RFFL: variants seen among roughly 807,000 people sequenced by gnomAD.
RFFL encodes E3 ubiquitin-protein ligase rififylin.
RFFL carries 16 observed loss-of-function variants against 40.4 expected under a neutral mutation model. That is an observed-to-expected ratio of 0.40 (90% CI 0.27 to 0.60). RFFL has a LOEUF of 0.60. Ranked by LOEUF, RFFL falls within the 20% of genes least tolerant of loss-of-function variation. The pLI is 0.47. For missense variants in RFFL, 367 were observed against 451.7 expected, an observed-to-expected ratio of 0.81 and a Z score of 1.70; for synonymous variants, 154 against 167.9, an observed-to-expected ratio of 0.92 and a Z score of 0.64.
chr17:35,069,293 C>T (rs368352772), intron 1 of RFFL: 1 of 456,692 alleles, frequency 2.2e-6, no homozygotes. Context: ...GATTAACTTA[C>T]CTTTGTTCAT....
At chr17:35,079,754 T>C (rs946352036) in intron 1 of RFFL, among the ~76,000 whole-genome samples, 6 of 152,198 alleles carry the variant, frequency 3.9e-5, no homozygotes, top group African/African-American at 1.4e-4. Context: ...TTCAACCATA[T>C]GGCCAAGGGT....
chr17:35,020,430 C>T (rs1258843442), intron 3 of RFFL, among the ~76,000 whole-genome samples: 11 of 147,188 alleles, frequency 7.5e-5, no homozygotes, highest in Admixed American at 7.0e-5. Flanking sequence ...TTGTGAACTG[C>T]GCATGCGAGG....
chr17:35,026,299 T>C (rs1440674247), intron 2 of RFFL, 75 bp downstream of exon 2: 3 of 1,437,780 alleles, frequency 2.1e-6, no homozygotes, highest in East Asian at 4.8e-5. Flanking sequence ...GTTGCAGGCA[T>C]TCAGAGGGGT....
intron 1 of RFFL, among the ~76,000 whole-genome samples, chr17:35,060,455 T>G (rs2091284681): frequency 6.6e-6 from 1 of 152,208 alleles, no homozygotes; most frequent in Non-Finnish European, 1.5e-5. Context: ...ATGTTTTCTC[T>G]CTGAGTCTTA....
chr17:35,081,353 G>A (rs187362582), intron 1 of RFFL, among the ~76,000 whole-genome samples: 3 of 152,148 alleles, frequency 2.0e-5, no homozygotes, highest in African/African-American at 7.2e-5. Context: ...ATTATGAGGA[G>A]GATTTACTAG....
chr17:35,025,778 A>G (rs1226083527), intron 2 of RFFL, among the ~76,000 whole-genome samples: 1 of 152,192 alleles, frequency 6.6e-6, no homozygotes, highest in Non-Finnish European at 1.5e-5. Flanking sequence ...AGACACCATT[A>G]TCTAGCCAGT....
At chr17:35,032,207 TATTCCCTGG>T (rs2091089589) in intron 1 of RFFL, among the ~76,000 whole-genome samples, 1 of 152,044 alleles carries the variant, frequency 6.6e-6, no homozygotes. Flanking sequence ...AAAAACCTTT[TATTCCCTGG>T]TAAGGAACCT....
At chr17:35,040,647 A>G (rs2091158026) in intron 1 of RFFL, among the ~76,000 whole-genome samples, 1 of 151,762 alleles carries the variant, frequency 6.6e-6, no homozygotes, top group African/African-American at 2.4e-5. Flanking sequence ...CTTTTCTTAA[A>G]TCAAAGATGC....
chr17:35,071,385 T>C (rs1168545419), intron 1 of RFFL, among the ~76,000 whole-genome samples: 1 of 151,484 alleles, frequency 6.6e-6, no homozygotes, highest in Non-Finnish European at 1.5e-5. Flanking sequence ...TGGGAGGACA[T>C]CGTGGGCAGA....
intron 3 of RFFL, among the ~76,000 whole-genome samples, chr17:35,019,735 GA>G (rs879267571): frequency 8.0e-4 from 111 of 138,982 alleles, no homozygotes; most frequent in Admixed American, 1.9e-3. Context: ...ACATAGAGTG[GA>G]AAAAAAAAAA....
At chr17:35,020,744 T>C (rs921332442) in intron 3 of RFFL, among the ~76,000 whole-genome samples, 3 of 152,124 alleles carry the variant, frequency 2.0e-5, no homozygotes, top group Non-Finnish European at 2.9e-5. Context: ...AGACAGTTTA[T>C]TACTCATTTC....
intron 1 of RFFL, among the ~76,000 whole-genome samples, chr17:35,071,978 C>T (rs181003552): frequency 1.3e-5 from 2 of 152,028 alleles, no homozygotes; most frequent in African/African-American, 2.4e-5. Flanking sequence ...TGAGACCTAT[C>T]TCTACAAAAA....
chr17:35,019,216 G>A (rs76756405), intron 3 of RFFL, among the ~76,000 whole-genome samples: 1,533 of 152,266 alleles, frequency 0.01, 24 homozygotes, highest in African/African-American at 0.035. Context: ...CACCAGAACA[G>A]GGGATGTAAG....
chr17:35,016,737 T>C (rs113164731), intron 4 of RFFL, among the ~76,000 whole-genome samples, 157 bp from the exon 5 acceptor site: 70 of 152,250 alleles, frequency 4.6e-4, no homozygotes, highest in African/African-American at 1.6e-3. Context: ...GTGCTCTGCA[T>C]TGCAAAATAT....
At chr17:35,066,508 T>A (rs924760340), upstream of RFFL, among the ~76,000 whole-genome samples, 1 of 152,180 alleles carries the variant, frequency 6.6e-6, no homozygotes, top group Non-Finnish European at 1.5e-5. Flanking sequence ...TTTAGCTTTA[T>A]CCAAATTACC....
At chr17:35,057,495 T>C (rs1371939720) in intron 1 of RFFL, among the ~76,000 whole-genome samples, 3 of 151,642 alleles carry the variant, frequency 2.0e-5, no homozygotes, top group African/African-American at 7.3e-5. Context: ...ACCTTCCCTA[T>C]AACATAGCTG....
chr17:35,021,737 C>T lies in RFFL; in HGVS notation c.225G>A (p.Ser75=), dbSNP rs757447871. 7 of 1,614,056 alleles carry T rather than the reference C, an allele frequency of 4.3e-6. No homozygotes were observed. The highest frequency in any genetic ancestry group is 1.7e-5 in the Admixed American group (1 of 59,998). The change falls in exon 3 of 7, where the codon TCG becomes TCA. Residue 75 remains serine (S), a synonymous_variant. Coordinates refer to ENST00000394597, the MANE Select transcript of RFFL (RefSeq NM_001017368.2). ...GGCGGGGCCCATTCCCTACTTGGCT[C>T]GAACAGGTCATGCAAAAATTTTTCT... ...DCKKNFCMTC[S]SQVGNGPRLC... is the part of the protein sequence containing the mutation.
chr17:35,021,602 G>T lies in RFFL; in HGVS notation c.360C>A (p.Thr120=). 2 of 1,614,172 alleles carry T rather than the reference G, an allele frequency of 1.2e-6. No homozygotes were observed. Among genetic ancestry groups the T allele is most frequent in the South Asian group, 2.2e-5 (2 of 91,082 alleles). Residue 120 remains threonine (T), a synonymous_variant, in exon 3 of 7, where the codon ACC becomes ACA. Coordinates refer to ENST00000394597, the MANE Select transcript of RFFL (RefSeq NM_001017368.2). The part of the protein sequence containing the change: ...RDYLSLHDIS[T]EMCREKEELV... ...GCTCTTCTTTCTCCCGGCACATTTC[G>T]GTAGAGATGTCATGGAGGCTGAGAT... is the stretch of plus-strand genomic sequence containing the variant.
intron 1 of RFFL, among the ~76,000 whole-genome samples, chr17:35,084,187 C>A (rs1026789842): frequency 1.3e-5 from 2 of 152,154 alleles, no homozygotes; most frequent in South Asian, 2.1e-4. Context: ...TGCGGTGAGC[C>A]GAGATCATGC....
Sources: allele counts gnomAD v4.1 joint callset (sites outside exome capture counted in the v4.1 genomes callset), GRCh38; gene constraint gnomAD v4.1.1; transcripts MANE v1.5; gene names NCBI Gene and HGNC (gene_info 2026-07-23, HGNC 2026-07-21).